Variants in PRKCB observed in about 807,000 individuals in gnomAD.
PRKCB encodes the protein protein kinase C beta.
PRKCB carries 13 observed loss-of-function variants against 81.5 expected under a neutral mutation model. The observed-to-expected ratio is 0.16, with a 90% CI of 0.10 to 0.25. PRKCB has a LOEUF of 0.25. Among genes scored for constraint, PRKCB ranks in the 10% least tolerant of loss-of-function variants. The pLI is 1.00. For missense variants in PRKCB, 509 were observed against 875.7 expected (o/e 0.58, Z 5.29); for synonymous variants, 335 against 321.4 (o/e 1.04, Z -0.45).
At chr16:24,015,757 C>G (rs1306310628) in intron 3 of PRKCB, among the ~76,000 whole-genome samples, 1 of 152,184 alleles carries the variant, frequency 6.6e-6, no homozygotes, top group East Asian at 1.9e-4. Context: ...GTTTATGCTT[C>G]TTTATTGTTT....
chr16:23,942,087 C>T (rs1299979427), intron 2 of PRKCB, among the ~76,000 whole-genome samples: 2 of 152,218 alleles, frequency 1.3e-5, no homozygotes, highest in African/African-American at 2.4e-5. Flanking sequence ...CAATAACTTT[C>T]TTAGAGAGCA....
Position 23,958,946 on chromosome 16 carries a change from G to T in PRKCB, c.206-29562G>T, listed in dbSNP as rs559821404. ...CCAGTCTGCCTTTGTTCAAATCCTG[G>T]TTTTACACTTAATACTGTAGGTACC... On this transcript the variant is annotated intron_variant, in intron 2 of 16. Coordinates refer to ENST00000643927, the MANE Select transcript of PRKCB (RefSeq NM_002738.7). Among the ~76,000 whole-genome samples, 3 of 152,172 alleles carry T rather than the reference G, an allele frequency of 2.0e-5. No homozygotes were observed. In the South Asian group the frequency reaches 6.2e-4, roughly 32 times the overall value.
chr16:23,958,879 C>G (rs73540929), intron 2 of PRKCB, among the ~76,000 whole-genome samples: 3,076 of 152,186 alleles, frequency 0.02, 114 homozygotes, highest in African/African-American at 0.071. Flanking sequence ...CTGTTGCCTT[C>G]AAGGTAACAG....
At chr16:23,972,483 C>T (rs1236983875) in intron 2 of PRKCB, among the ~76,000 whole-genome samples, 1 of 152,172 alleles carries the variant, frequency 6.6e-6, no homozygotes, top group African/African-American at 2.4e-5. Flanking sequence ...ACAACCACCA[C>T]CATCCACATT....
intron 2 of PRKCB, among the ~76,000 whole-genome samples, chr16:23,984,007 T>C (rs907276238): frequency 6.6e-6 from 1 of 152,154 alleles, no homozygotes; most frequent in East Asian, 1.9e-4. Context: ...AAAGAATAAA[T>C]TAAAACCATA....
intron 2 of PRKCB, among the ~76,000 whole-genome samples, chr16:23,977,394 C>G (rs1301534531): frequency 6.6e-6 from 1 of 152,144 alleles, no homozygotes; most frequent in Non-Finnish European, 1.5e-5. Flanking sequence ...ACCACCCTCT[C>G]CTCACAGCCC....
intron 5 of PRKCB, among the ~76,000 whole-genome samples, chr16:24,044,051 A>G (rs1048185044): frequency 6.6e-6 from 1 of 152,112 alleles, no homozygotes; most frequent in Non-Finnish European, 1.5e-5. Context: ...GATACTAGGT[A>G]GTTGTTGAAA....
intron 2 of PRKCB, among the ~76,000 whole-genome samples, chr16:23,976,324 C>G (rs963222631): frequency 6.6e-6 from 1 of 152,000 alleles, no homozygotes; most frequent in Non-Finnish European, 1.5e-5. Context: ...ACCGCCCCCC[C>G]AAAAACGGAT....
chr16:24,143,738 C>T lies in PRKCB; in HGVS notation c.1066-10946C>T, dbSNP rs568262878. On this transcript the variant is annotated intron_variant, in intron 9 of 16. Coordinates refer to ENST00000643927, the MANE Select transcript of PRKCB (RefSeq NM_002738.7). Reference sequence around the variant, plus strand: ...GTTTCATGTAATCTTGAATGATGCTCTTCTCCCAATTTAGTGTGTGGGGAC... The same window carrying T: ...GTTTCATGTAATCTTGAATGATGCTTTTCTCCCAATTTAGTGTGTGGGGAC... 5.3e-4 allele frequency among the ~76,000 whole-genome samples: 80 copies of T among 152,314 alleles called. 1 individual carries two copies. Among genetic ancestry groups the T allele is most frequent in the Non-Finnish European group, 6.9e-4 (47 of 68,024 alleles).
intron 12 of PRKCB, among the ~76,000 whole-genome samples, chr16:24,180,058 C>T (rs1967594781): frequency 1.3e-5 from 2 of 152,144 alleles, no homozygotes; most frequent in African/African-American, 4.8e-5. Context: ...TATTCTCCTG[C>T]CTCAGCTTCC....
chr16:24,046,027 A>G lies in PRKCB; in HGVS notation c.529+10480A>G, dbSNP rs186336638. ...TCATTGGTGACCTGCACCTACCTGC[A>G]TGTCCTGGCCTGGTGCAGCATGAGC... On this transcript the variant is annotated intron_variant, in intron 5 of 16. Transcript: ENST00000643927. Among the ~76,000 whole-genome samples the G allele has an allele frequency of 2.3e-3, 354 of 152,338 alleles. 3 individuals are homozygous for G. The highest frequency in any genetic ancestry group is 8.1e-3 in the South Asian group (39 of 4,830).
Position 24,217,321 on chromosome 16 carries a change from A to G in PRKCB, c.*2505A>G. 2.0e-6 allele frequency: 2 copies of G among 985,436 alleles called. No individual in the cohort carries two copies. Among genetic ancestry groups the G allele is most frequent in the Non-Finnish European group, 2.4e-6 (2 of 829,932 alleles). 61.0% of individuals were successfully genotyped at this position (985,436 alleles called of 1,614,324 possible). Reference sequence around the variant, plus strand: ...CTTTCCATGGAAAGTCAGAATTTCTACCACTTCCTTTTCTATCCACATTTC... The same window carrying G: ...CTTTCCATGGAAAGTCAGAATTTCTGCCACTTCCTTTTCTATCCACATTTC... On this transcript the variant is annotated 3_prime_UTR_variant, in exon 17 of 17. Transcript: ENST00000643927.
At chr16:24,038,480 T>G (rs530254983) in intron 5 of PRKCB, among the ~76,000 whole-genome samples, 1 of 152,386 alleles carries the variant, frequency 6.6e-6, no homozygotes, top group South Asian at 2.1e-4. Context: ...AAACGAAGTC[T>G]CAGCAAGGCT....
intron 9 of PRKCB, among the ~76,000 whole-genome samples, chr16:24,138,269 G>A (rs1306235624): frequency 6.6e-6 from 1 of 152,160 alleles, no homozygotes; most frequent in African/African-American, 2.4e-5. Context: ...GCAGTGCTCT[G>A]TAACTCCAAC....
At chr16:23,935,590 G>A (rs1425141957) in intron 2 of PRKCB, among the ~76,000 whole-genome samples, 1 of 151,898 alleles carries the variant, frequency 6.6e-6, no homozygotes, top group East Asian at 1.9e-4. Flanking sequence ...ATTTTTTGTA[G>A]TATGTTCACA....
At chr16:24,055,878 A>G (rs953065930) in intron 5 of PRKCB, among the ~76,000 whole-genome samples, 8 of 152,222 alleles carry the variant, frequency 5.3e-5, no homozygotes, top group Non-Finnish European at 1.2e-4. Flanking sequence ...CTGCACTACA[A>G]CAGCCTACTA....
chr16:23,846,161 T>G (rs984780833), intron 2 of PRKCB, among the ~76,000 whole-genome samples: 10 of 152,358 alleles, frequency 6.6e-5, no homozygotes, highest in African/African-American at 2.4e-4. Flanking sequence ...AAAGGACTTT[T>G]GTCAAGTCTG....
At chr16:24,134,470 G>C (rs1210846126) in intron 9 of PRKCB, among the ~76,000 whole-genome samples, 2 of 152,170 alleles carry the variant, frequency 1.3e-5, no homozygotes, top group African/African-American at 4.8e-5. Context: ...GACACAGCTG[G>C]ATGCAGTGGG....
chr16:23,974,218 A>G (rs1291516504), intron 2 of PRKCB, among the ~76,000 whole-genome samples: 1 of 152,082 alleles, frequency 6.6e-6, no homozygotes, highest in African/African-American at 2.4e-5. Context: ...ATGAGGCAGA[A>G]GAATGAGAAC....
Sources: gnomAD v4.1 joint callset for allele counts (sites outside exome capture counted in the v4.1 genomes callset) on GRCh38, gnomAD v4.1.1 for gene constraint, MANE v1.5 for transcripts, NCBI Gene and HGNC (gene_info 2026-07-23, HGNC 2026-07-21) for gene names.